LRP1B: variants seen among roughly 807,000 people sequenced by gnomAD.
The protein encoded by LRP1B is LDL receptor related protein 1B.
Under a neutral mutation model 556.6 loss-of-function variants are expected in LRP1B, and 217 were observed. The ratio of observed to expected loss-of-function variants is 0.39; its 90% CI spans 0.35 to 0.44. The LOEUF is 0.44. Among genes scored for constraint, LRP1B ranks in the 20% least tolerant of loss-of-function variants. LRP1B has a pLI of 1.00. For synonymous variants in LRP1B, 2,047 were observed against 1,865.8 expected, an observed-to-expected ratio of 1.10 and a Z score of -2.50; for missense variants, 5,053 against 5,620.8, an observed-to-expected ratio of 0.90 and a Z score of 3.23.
At chr2:141,367,718 A>G (rs1005540015) in intron 3 of LRP1B, among the ~76,000 whole-genome samples, 2 of 151,710 alleles carry the variant, frequency 1.3e-5, no homozygotes, top group Admixed American at 1.3e-4. Context: ...TCCTGTCCTC[A>G]TGATCCACCC....
At chr2:142,013,185 C>T (rs535697103) in intron 1 of LRP1B, among the ~76,000 whole-genome samples, 39 of 151,980 alleles carry the variant, frequency 2.6e-4, no homozygotes, top group African/African-American at 9.2e-4. Flanking sequence ...CGCTCATAAT[C>T]CTTATTACTT....
chr2:140,977,974 T>C (rs528964231), intron 18 of LRP1B, among the ~76,000 whole-genome samples: 128 of 152,288 alleles, frequency 8.4e-4, no homozygotes, highest in African/African-American at 3.0e-3. Flanking sequence ...AAATTGACCA[T>C]CCAATTCCTT....
At chr2:140,893,244 A>G (rs1693853099) in intron 23 of LRP1B, among the ~76,000 whole-genome samples, 1 of 152,182 alleles carries the variant, frequency 6.6e-6, no homozygotes, top group South Asian at 2.1e-4. Flanking sequence ...AAACAGAGAA[A>G]GCTCTTACAT....
intron 5 of LRP1B, among the ~76,000 whole-genome samples, chr2:141,234,706 A>C (rs300381): frequency 0.4 from 61,435 of 151,942 alleles, 12,739 homozygotes; most frequent in African/African-American, 0.51. Flanking sequence ...AAAACTTCTA[A>C]AATGATGCAA....
chr2:141,567,472 C>T (rs1179574143), intron 2 of LRP1B, among the ~76,000 whole-genome samples: 5 of 152,078 alleles, frequency 3.3e-5, no homozygotes, highest in Non-Finnish European at 5.9e-5. Flanking sequence ...GTTTCCAATT[C>T]TTTTTACGTA....
intron 1 of LRP1B, 32 bp downstream of exon 1, chr2:142,130,616 A>T: frequency 6.3e-7 from 1 of 1,575,210 alleles, no homozygotes; most frequent in Non-Finnish European, 8.7e-7. Context: ...CAAGGAAGTC[A>T]GGGGAGGGGA....
At chr2:140,295,263 T>C (rs1190946501) in intron 84 of LRP1B, among the ~76,000 whole-genome samples, 2 of 152,152 alleles carry the variant, frequency 1.3e-5, no homozygotes, top group African/African-American at 2.4e-5. Context: ...ATGCACATCA[T>C]TTAAGAAATA....
At chr2:141,436,004 T>C (rs146046574) in intron 3 of LRP1B, among the ~76,000 whole-genome samples, 17 of 152,228 alleles carry the variant, frequency 1.1e-4, no homozygotes, top group Non-Finnish European at 2.1e-4. Context: ...TTCCATAACA[T>C]GGAGCTGAAA....
At position 140,475,258 on chromosome 2, in the gene LRP1B, T is replaced by C. The variant is rs764325894; in HGVS notation, c.9505A>G (p.Ile3169Val). The change falls in exon 60 of 91, where the codon ATA (isoleucine) becomes GTA (valine). Residue 3169 changes from isoleucine (I) to valine (V), a missense_variant. Ile to Val is a conservative substitution (Grantham distance 29, BLOSUM62 3). This residue lies in a region of LRP1B where 3,619 missense variants were observed against 3,931.9 expected (regional missense o/e 0.92). Transcript: ENST00000389484. ...ATAGGTCTAGAAATCTTGGTTTCTA[T>C]GACAACACTCTGATTGGTTCCATCC... is the stretch of plus-strand genomic sequence containing the variant. Reference protein sequence around the residue: ...GMDGTNQSVVIETKISRPMAL... With the variant: ...GMDGTNQSVVVETKISRPMAL... The C allele has an allele frequency of 3.1e-6, 5 of 1,612,296 alleles. No individual in the cohort carries two copies. Among genetic ancestry groups the C allele is most frequent in the Non-Finnish European group, 4.2e-6 (5 of 1,178,810 alleles).
At position 141,102,891 on chromosome 2, in the gene LRP1B, G is replaced by A. The variant is rs150752742; in HGVS notation, c.1014-40618C>T. 1.4e-3 allele frequency among the ~76,000 whole-genome samples: 214 copies of A among 152,180 alleles called. 1 individual carries two copies. Among genetic ancestry groups the A allele is most frequent in the African/African-American group, 4.9e-3 (203 of 41,560 alleles). Reference sequence around the variant, plus strand: ...TATGAATTAGTAGTGAAACCCAAGTGAAATGTTTACTTCTTAAACATCAGC... The same window carrying A: ...TATGAATTAGTAGTGAAACCCAAGTAAAATGTTTACTTCTTAAACATCAGC... On this transcript the variant is annotated intron_variant, in intron 7 of 90. Coordinates refer to ENST00000389484, the MANE Select transcript of LRP1B (RefSeq NM_018557.3).
chr2:140,255,216 A>G (rs1030600093), intron 86 of LRP1B, among the ~76,000 whole-genome samples: 1 of 152,184 alleles, frequency 6.6e-6, no homozygotes, highest in African/African-American at 2.4e-5. Context: ...TGACAAAATT[A>G]CCCATTCACA....
chr2:141,659,788 G>T (rs1690145344), intron 2 of LRP1B, among the ~76,000 whole-genome samples: 1 of 152,104 alleles, frequency 6.6e-6, no homozygotes, highest in Non-Finnish European at 1.5e-5. Flanking sequence ...GCTTATTACA[G>T]TATCTCTCAT....
intron 86 of LRP1B, among the ~76,000 whole-genome samples, chr2:140,263,809 T>TG (rs1266827413): frequency 6.6e-6 from 1 of 151,340 alleles, no homozygotes; most frequent in Non-Finnish European, 1.5e-5. Flanking sequence ...TTGAGGCCTT[T>TG]TTTTTTTTTC....
At chr2:141,107,149 A>T (rs1460608441) in intron 7 of LRP1B, among the ~76,000 whole-genome samples, 2 of 152,158 alleles carry the variant, frequency 1.3e-5, no homozygotes, top group Non-Finnish European at 2.9e-5. Context: ...AATAAAGAAT[A>T]GGCAAAAAAG....
intron 2 of LRP1B, among the ~76,000 whole-genome samples, chr2:141,796,578 CTTTTT>C (rs75317117): frequency 7.8e-6 from 1 of 127,552 alleles, no homozygotes. Context: ...GCATTTTATT[CTTTTT>C]TTTTTTTTTT....
At chr2:142,128,397 C>T (rs551948126) in intron 1 of LRP1B, among the ~76,000 whole-genome samples, 90 of 152,234 alleles carry the variant, frequency 5.9e-4, no homozygotes, top group African/African-American at 2.0e-3. Context: ...TATTCAAGGA[C>T]GATTGACATA....
At chr2:141,298,192 A>G (rs1223981139) in intron 3 of LRP1B, among the ~76,000 whole-genome samples, 1 of 152,202 alleles carries the variant, frequency 6.6e-6, no homozygotes, top group Non-Finnish European at 1.5e-5. Flanking sequence ...ATGAATGACC[A>G]GAAACAAATG....
At chr2:141,533,772 T>C (rs893323387) in intron 2 of LRP1B, among the ~76,000 whole-genome samples, 13 of 152,156 alleles carry the variant, frequency 8.5e-5, no homozygotes, top group African/African-American at 2.9e-4. Flanking sequence ...AGGGTTTCAG[T>C]GCCTAATCAC....
At chr2:141,338,662 T>G (rs1377141418) in intron 3 of LRP1B, among the ~76,000 whole-genome samples, 1 of 152,192 alleles carries the variant, frequency 6.6e-6, no homozygotes, top group Non-Finnish European at 1.5e-5. Context: ...AACTAGTCAC[T>G]TTAGTTTTTA....
Sources: gnomAD v4.1 joint callset for allele counts (sites outside exome capture counted in the v4.1 genomes callset) on GRCh38, gnomAD v4.1.1 for gene constraint, gnomAD v4.1.1 regional missense constraint, MANE v1.5 for transcripts, NCBI Gene and HGNC (gene_info 2026-07-23, HGNC 2026-07-21) for gene names.